Variants in EYS observed in about 807,000 individuals in gnomAD.
EYS encodes protein eyes shut homolog.
A neutral mutation model predicts 282.1 loss-of-function variants in EYS; 250 were observed. The ratio of observed to expected loss-of-function variants is 0.89; its 90% CI spans 0.80 to 0.98. The LOEUF (loss-of-function observed/expected upper bound fraction) is 0.98. Among genes scored for constraint, EYS ranks in the 50% least tolerant of loss-of-function variants. The pLI is 0.00. For missense variants in EYS, 4,016 were observed against 3,709.0 expected (o/e 1.08, Z -2.15); for synonymous variants, 1,355 against 1,282.9 (o/e 1.06, Z -1.20).
chr6:65,437,436 A>G (rs1440022271), intron 5 of EYS, among the ~76,000 whole-genome samples: 1 of 152,120 alleles, frequency 6.6e-6, no homozygotes, highest in Non-Finnish European at 1.5e-5. Context: ...TTTCTTCAGT[A>G]TGCAGTTTTT....
At chr6:64,413,386 C>T (rs1047153970) in intron 28 of EYS, among the ~76,000 whole-genome samples, 11 of 152,242 alleles carry the variant, frequency 7.2e-5, no homozygotes, top group South Asian at 2.1e-4. Context: ...TTTCATTAAA[C>T]TCTGTTTAAG....
chr6:64,112,803 A>C (rs1773251155), intron 31 of EYS, among the ~76,000 whole-genome samples: 1 of 149,086 alleles, frequency 6.7e-6, no homozygotes, highest in Non-Finnish European at 1.5e-5. Flanking sequence ...ATATCTATAT[A>C]TCTCTCTATA....
intron 41 of EYS, among the ~76,000 whole-genome samples, chr6:63,734,071 G>T (rs1366472503): frequency 2.0e-5 from 3 of 152,070 alleles, no homozygotes; most frequent in African/African-American, 7.2e-5. Flanking sequence ...GCTAAACATT[G>T]GATACACATG....
At chr6:64,236,209 G>T (rs1333836141) in intron 30 of EYS, among the ~76,000 whole-genome samples, 1 of 152,184 alleles carries the variant, frequency 6.6e-6, no homozygotes. Flanking sequence ...TCCTGACCTT[G>T]TGCTCCATCC....
intron 15 of EYS, among the ~76,000 whole-genome samples, chr6:64,917,121 C>T (rs535575349): frequency 2.4e-4 from 37 of 152,172 alleles, no homozygotes; most frequent in Non-Finnish European, 3.5e-4. Flanking sequence ...TGGCAGCACG[C>T]GCCTGTAGCC....
At chr6:65,420,653 A>G (rs1767418996) in intron 5 of EYS, among the ~76,000 whole-genome samples, 1 of 151,950 alleles carries the variant, frequency 6.6e-6, no homozygotes, top group Non-Finnish European at 1.5e-5. Context: ...GACTTTGCTT[A>G]GATCCATCAG....
chr6:63,877,114 T>C (rs997047204), intron 35 of EYS, among the ~76,000 whole-genome samples: 1 of 152,218 alleles, frequency 6.6e-6, no homozygotes, highest in Non-Finnish European at 1.5e-5. Context: ...TACTGGTTGT[T>C]CCTTTCCATG....
chr6:64,892,796 C>T (rs1283758148), intron 18 of EYS, among the ~76,000 whole-genome samples: 1 of 152,038 alleles, frequency 6.6e-6, no homozygotes, highest in African/African-American at 2.4e-5. Flanking sequence ...GAATAAACAT[C>T]ATTCGGATTG....
chr6:64,493,261 A>G (rs904356290), intron 26 of EYS, among the ~76,000 whole-genome samples: 5 of 151,522 alleles, frequency 3.3e-5, no homozygotes, highest in African/African-American at 4.8e-5. Context: ...ACCAAATAGC[A>G]GAGCTGCAAA....
chr6:65,029,492 T>C (rs1772530854), intron 13 of EYS, among the ~76,000 whole-genome samples: 1 of 151,852 alleles, frequency 6.6e-6, no homozygotes, highest in African/African-American at 2.4e-5. Context: ...ATGACATGGG[T>C]CTATTTATAT....
chr6:65,607,206 T>A (rs1765829021), intron 2 of EYS, among the ~76,000 whole-genome samples: 1 of 151,916 alleles, frequency 6.6e-6, no homozygotes, highest in South Asian at 2.1e-4. Context: ...GCCTCCAGAA[T>A]CTCATTTATG....
At chr6:64,626,088 A>G in intron 23 of EYS, 33 bp downstream of exon 23, 1 of 1,230,488 alleles carries the variant, frequency 8.1e-7, no homozygotes, top group Non-Finnish European at 1.1e-6. Context: ...ATTATTATAT[A>G]TGCAGTATGC....
chr6:65,660,199 G>A (rs150590477), intron 1 of EYS, among the ~76,000 whole-genome samples: 7 of 151,900 alleles, frequency 4.6e-5, no homozygotes, highest in African/African-American at 1.7e-4. Context: ...GTCCTGCATA[G>A]GGGTAGTGAG....
intron 22 of EYS, among the ~76,000 whole-genome samples, chr6:64,751,429 G>T (rs1030131989): frequency 2.6e-5 from 4 of 152,174 alleles, no homozygotes; most frequent in Admixed American, 6.5e-5. Flanking sequence ...GCACAAGTCT[G>T]GGTGTTGAAT....
Position 64,564,268 on chromosome 6 carries a change from C to CTTTTTTTT in EYS, c.5644+25947_5644+25954dup, listed in dbSNP as rs4034161. 5.2e-4 allele frequency among the ~76,000 whole-genome samples: 31 copies of CTTTTTTTT among 59,386 alleles called. 6 individuals carry two copies. The highest frequency in any genetic ancestry group is 1.2e-3 in the East Asian group (2 of 1,714). 39.0% of individuals were successfully genotyped at this position (59,386 alleles called of 152,430 possible). A position where few individuals can be genotyped will look rare whatever the true frequency, so the allele number is the denominator to read the frequency against. ...TCCTCATCAACACGTATCTTTTGTCCTTTTTTTTTTTTTTTTTTTTTTTTT... is the reference window on the plus strand; with the variant it reads ...TCCTCATCAACACGTATCTTTTGTCCTTTTTTTTTTTTTTTTTTTTTTTTTTTTTTTTT... On this transcript the variant is annotated intron_variant, in intron 26 of 42. Transcript: ENST00000503581.
chr6:63,746,292 A>G (rs1050966342), intron 41 of EYS, among the ~76,000 whole-genome samples: 2 of 152,156 alleles, frequency 1.3e-5, no homozygotes, highest in African/African-American at 4.8e-5. Context: ...ATCATGGTGG[A>G]TAAGTTTTTG....
chr6:64,213,328 G>A (rs1484953122), intron 31 of EYS, among the ~76,000 whole-genome samples: 1 of 152,096 alleles, frequency 6.6e-6, no homozygotes, highest in Non-Finnish European at 1.5e-5. Flanking sequence ...TCTATAATCT[G>A]AGTCATGAGC....
intron 30 of EYS, among the ~76,000 whole-genome samples, chr6:64,298,116 A>G (rs1769104672): frequency 6.6e-6 from 1 of 152,204 alleles, no homozygotes; most frequent in Admixed American, 6.5e-5. Context: ...GAAAGACCAT[A>G]GACAGTAACT....
chr6:65,315,596 T>G (rs1427085030), intron 11 of EYS, among the ~76,000 whole-genome samples: 3 of 150,358 alleles, frequency 2.0e-5, no homozygotes, highest in Admixed American at 6.7e-5. Context: ...GTGAAATTCA[T>G]CTATATTATT....
Sources: allele counts gnomAD v4.1 joint callset (sites outside exome capture counted in the v4.1 genomes callset), GRCh38; gene constraint gnomAD v4.1.1; transcripts MANE v1.5; gene names NCBI Gene and HGNC (gene_info 2026-07-23, HGNC 2026-07-21).